Variants in TDRP observed in about 807,000 individuals in gnomAD.
TDRP encodes the protein testis development-related protein.
A neutral mutation model predicts 10.5 loss-of-function variants in TDRP; 12 were observed. That is an observed-to-expected ratio of 1.15 (90% CI 0.73 to 1.86). The LOEUF is 1.86. TDRP is among the 40% of genes most tolerant of loss of function. TDRP has a pLI of 0.00. For synonymous variants in TDRP, 139 were observed against 95.4 expected (o/e 1.46, Z -2.67); for missense variants, 353 against 229.2 (o/e 1.54, Z -3.49).
At chr8:528,786 T>G (rs528313653) in intron 1 of TDRP, among the ~76,000 whole-genome samples, 3 of 152,300 alleles carry the variant, frequency 2.0e-5, no homozygotes, top group Admixed American at 6.5e-5. Flanking sequence ...GATATATACA[T>G]ATATTTATTT....
intron 1 of TDRP, among the ~76,000 whole-genome samples, chr8:509,069 G>C (rs1021256888): frequency 6.6e-6 from 1 of 152,234 alleles, no homozygotes; most frequent in African/African-American, 2.4e-5. Flanking sequence ...TCGTGCTGAT[G>C]CAAGAGATGG....
At chr8:501,989 G>C (rs965179922) in intron 1 of TDRP, among the ~76,000 whole-genome samples, 3 of 152,190 alleles carry the variant, frequency 2.0e-5, no homozygotes, top group Admixed American at 2.0e-4. Context: ...AGCTGTTCTG[G>C]GGGTGGTGAC....
chr8:544,796 G>A lies in TDRP; in HGVS notation c.-39C>T, dbSNP rs1169468177. ...CCGGCGTCCCTCCGTCCGTGCGTCG[G>A]GCTGTGGCTCCGCGTCCCTCCCGGC... On this transcript the variant is annotated 5_prime_UTR_variant, in exon 1 of 3. Coordinates refer to ENST00000324079, the MANE Select transcript of TDRP (RefSeq NM_001384899.1). 2 of 1,216,914 alleles carry A rather than the reference G, an allele frequency of 1.6e-6. No individual in the cohort carries two copies. The highest frequency in any genetic ancestry group is 4.1e-5 in the South Asian group (1 of 24,168). The allele number at this position is 1,216,914 out of a possible 1,614,324, so 75.4% of individuals were successfully genotyped here.
rs146713591 is a variant in TDRP, at chr8:508,631, T to C, written c.109-14034A>G. ...CTCACCAGGTCCTGCCCTTGATACA[T>C]TGCGATTATGGGAATTACAATTCAA... On this transcript the variant is annotated intron_variant, in intron 1 of 2. Coordinates refer to ENST00000324079, the MANE Select transcript of TDRP (RefSeq NM_001384899.1). 1.2e-3 allele frequency among the ~76,000 whole-genome samples: 186 copies of C among 152,212 alleles called. 1 individual carries two copies. Among genetic ancestry groups the C allele is most frequent in the African/African-American group, 4.3e-3 (178 of 41,544 alleles).
At chr8:525,081 A>C (rs1180829115) in intron 1 of TDRP, among the ~76,000 whole-genome samples, 2 of 152,230 alleles carry the variant, frequency 1.3e-5, no homozygotes, top group African/African-American at 4.8e-5. Context: ...GAAAAGAAAC[A>C]GATAGCATAC....
At chr8:542,958 A>G (rs1490393810) in intron 1 of TDRP, among the ~76,000 whole-genome samples, 1 of 151,320 alleles carries the variant, frequency 6.6e-6, no homozygotes, top group African/African-American at 2.4e-5. Flanking sequence ...TAGCTGGAGG[A>G]TACGAGGAAG....
At chr8:504,791 G>C (rs1391315251) in intron 1 of TDRP, among the ~76,000 whole-genome samples, 1 of 152,174 alleles carries the variant, frequency 6.6e-6, no homozygotes, top group Admixed American at 6.5e-5. Flanking sequence ...ATTCAAAACA[G>C]TCATCGAGAC....
chr8:538,084 G>A (rs976384968), intron 1 of TDRP, among the ~76,000 whole-genome samples: 3 of 152,200 alleles, frequency 2.0e-5, no homozygotes, highest in African/African-American at 7.2e-5. Context: ...TGTTAAAACA[G>A]GGAGACTCCA....
In TDRP at chr8:512,523, A is replaced by C. The variant is rs192291249; in HGVS notation, c.109-17926T>G. On this transcript the variant is annotated intron_variant, in intron 1 of 2. Coordinates refer to ENST00000324079, the MANE Select transcript of TDRP (RefSeq NM_001384899.1). Reference sequence around the variant, plus strand: ...AAATTACTGGAATCAGAAATGAAAGAGGAGACATTTCTATTGACCTTATAT... The same window carrying C: ...AAATTACTGGAATCAGAAATGAAAGCGGAGACATTTCTATTGACCTTATAT... Among the ~76,000 whole-genome samples the C allele has an allele frequency of 6.6e-5, 10 of 152,306 alleles. No homozygotes were observed. In the East Asian group the frequency reaches 1.9e-3, roughly 29 times the overall value.
At chr8:525,979 T>C (rs1310049119) in intron 1 of TDRP, among the ~76,000 whole-genome samples, 2 of 152,208 alleles carry the variant, frequency 1.3e-5, no homozygotes, top group South Asian at 2.1e-4. Context: ...TTGATCTTAT[T>C]GTTATTGGTC....
chr8:496,777 G>A (rs1801148408), intron 1 of TDRP, among the ~76,000 whole-genome samples: 1 of 152,162 alleles, frequency 6.6e-6, no homozygotes, highest in African/African-American at 2.4e-5. Flanking sequence ...GTCAGGGGAG[G>A]GACCTGGTGG....
chr8:529,371 G>A (rs34639784), intron 1 of TDRP, among the ~76,000 whole-genome samples: 29,417 of 152,048 alleles, frequency 0.19, 3,126 homozygotes, highest in African/African-American at 0.27. Context: ...TTATGCTTTT[G>A]TCTAATTCTA....
chr8:500,961 C>T (rs1801275487), intron 1 of TDRP, among the ~76,000 whole-genome samples: 1 of 152,230 alleles, frequency 6.6e-6, no homozygotes, highest in Admixed American at 6.5e-5. Context: ...AATCCCAGCA[C>T]TCTGGGAGGC....
chr8:516,945 G>C (rs1801772646), intron 1 of TDRP, among the ~76,000 whole-genome samples: 1 of 152,162 alleles, frequency 6.6e-6, no homozygotes, highest in Non-Finnish European at 1.5e-5. Context: ...GCACTATCAA[G>C]CCATGAAAAG....
intron 1 of TDRP, 97 bp downstream of exon 1, chr8:544,553 C>A: frequency 2.3e-6 from 2 of 869,934 alleles, no homozygotes; most frequent in Non-Finnish European, 3.0e-6. Flanking sequence ...AAACTGTGCC[C>A]CCAACTACCC....
chr8:542,976 T>C (rs1481666578), intron 1 of TDRP, among the ~76,000 whole-genome samples: 1 of 151,338 alleles, frequency 6.6e-6, no homozygotes, highest in Non-Finnish European at 1.5e-5. Flanking sequence ...AAGAATCTCC[T>C]ATTCTTCTAC....
At chr8:543,937 AG>A (rs1186683495) in intron 1 of TDRP, among the ~76,000 whole-genome samples, 1 of 18,646 alleles carries the variant, frequency 5.4e-5, no homozygotes, top group Admixed American at 4.8e-4. Context: ...AGGGGGGGGG[AG>A]GGGGTGGGGG....
chr8:530,210 G>A (rs951887526), intron 1 of TDRP, among the ~76,000 whole-genome samples: 14 of 114,532 alleles, frequency 1.2e-4, no homozygotes, highest in African/African-American at 4.0e-4. Context: ...TTATAGTTCT[G>A]TCTTGTTGTT....
intron 1 of TDRP, among the ~76,000 whole-genome samples, chr8:540,645 C>G (rs1802468179): frequency 6.6e-6 from 1 of 151,362 alleles, no homozygotes; most frequent in South Asian, 2.1e-4. Flanking sequence ...GTATTTATGA[C>G]CAAAAAAAAG....
Sources: allele counts gnomAD v4.1 joint callset (sites outside exome capture counted in the v4.1 genomes callset), GRCh38; gene constraint gnomAD v4.1.1; transcripts MANE v1.5; gene names NCBI Gene and HGNC (gene_info 2026-07-23, HGNC 2026-07-21).